STARD13: variants seen among roughly 807,000 people sequenced by gnomAD.
The protein encoded by STARD13 is StAR related lipid transfer domain containing 13.
A neutral mutation model predicts 106.4 loss-of-function variants in STARD13; 62 were observed. The ratio of observed to expected loss-of-function variants is 0.58; its 90% CI spans 0.48 to 0.72. The LOEUF (loss-of-function observed/expected upper bound fraction) is 0.72. Among genes scored for constraint, STARD13 ranks in the 30% least tolerant of loss-of-function variants. STARD13 has a pLI of 0.00. For missense variants in STARD13, 1,387 were observed against 1,424.0 expected (o/e 0.97, Z 0.42); for synonymous variants, 565 against 553.0 (o/e 1.02, Z -0.31).
chr13:33,141,766 T>C (rs560906763), intron 4 of STARD13, among the ~76,000 whole-genome samples: 1 of 152,324 alleles, frequency 6.6e-6, no homozygotes, highest in East Asian at 1.9e-4. Context: ...TCTGAACTTT[T>C]AATCTACTCA....
chr13:33,282,498 T>G (rs1304237622), intron 1 of STARD13, among the ~76,000 whole-genome samples: 2 of 152,188 alleles, frequency 1.3e-5, no homozygotes, highest in African/African-American at 4.8e-5. Flanking sequence ...ATTATCTCAC[T>G]ATAATGAGGT....
At chr13:33,553,493 T>C in the STARD13 span, among the ~76,000 whole-genome samples, 1 of 151,828 alleles carries the variant, frequency 6.6e-6, no homozygotes, top group Non-Finnish European at 1.5e-5. Flanking sequence ...TAATGGGAAA[T>C]ATACCAATAT....
the STARD13 span, among the ~76,000 whole-genome samples, chr13:33,488,747 A>T: frequency 7.9e-5 from 12 of 152,162 alleles, no homozygotes; most frequent in Non-Finnish European, 1.8e-4. Context: ...CTGGAATCCT[A>T]TCTATCTTTC....
the STARD13 span, among the ~76,000 whole-genome samples, chr13:33,385,218 A>AATATGAATATATATATAT: frequency 3.9e-4 from 13 of 33,582 alleles, no homozygotes; most frequent in Admixed American, 1.6e-3. Context: ...AAAGGTTCGG[A>AATATGAATATATATATAT]ATATATATAT....
At chr13:33,566,349 G>A in the STARD13 span, among the ~76,000 whole-genome samples, 1 of 147,952 alleles carries the variant, frequency 6.8e-6, no homozygotes, top group Admixed American at 7.0e-5. Flanking sequence ...TACTATCTGC[G>A]GTTTCAGGCA....
intron 3 of STARD13, among the ~76,000 whole-genome samples, chr13:33,161,212 A>G (rs909882341): frequency 2.0e-5 from 3 of 152,242 alleles, no homozygotes; most frequent in African/African-American, 7.2e-5. Flanking sequence ...TAGCAAAACT[A>G]TAGGTACAAA....
the STARD13 span, among the ~76,000 whole-genome samples, chr13:33,436,740 A>G: frequency 6.6e-6 from 1 of 152,180 alleles, no homozygotes; most frequent in Non-Finnish European, 1.5e-5. Flanking sequence ...CTTAATCTGT[A>G]GTGAAAGCAA....
At chr13:33,610,826 A>T in the STARD13 span, 1 of 152,400 alleles carries the variant, frequency 6.6e-6, no homozygotes, top group South Asian at 2.1e-4. Flanking sequence ...CTGCGCGGAG[A>T]ACCTCTGCCA....
At chr13:33,408,464 C>G in the STARD13 span, among the ~76,000 whole-genome samples, 6 of 152,040 alleles carry the variant, frequency 3.9e-5, no homozygotes, top group Admixed American at 3.3e-4. Context: ...AAGGATCATC[C>G]ACATTATAGC....
chr13:33,397,299 G>A, the STARD13 span, among the ~76,000 whole-genome samples: 3 of 152,116 alleles, frequency 2.0e-5, no homozygotes, highest in Non-Finnish European at 4.4e-5. Context: ...TCTCTCAGGA[G>A]CAAGGGGCAG....
the STARD13 span, among the ~76,000 whole-genome samples, chr13:33,558,162 T>C: frequency 5.8e-4 from 89 of 152,328 alleles, no homozygotes; most frequent in Non-Finnish European, 9.7e-4. Flanking sequence ...TTCCAAATTC[T>C]CCCAAGGTTT....
chr13:33,671,848 C>A, the STARD13 span, among the ~76,000 whole-genome samples: 7 of 152,210 alleles, frequency 4.6e-5, no homozygotes, highest in East Asian at 1.4e-3. Flanking sequence ...TATAGTTCAA[C>A]CACTCTATCA....
the STARD13 span, among the ~76,000 whole-genome samples, chr13:33,574,798 G>A: frequency 5.3e-5 from 8 of 151,824 alleles, no homozygotes; most frequent in Non-Finnish European, 1.2e-4. Context: ...TAGTTGAAAT[G>A]TGTTCCCCAA....
the STARD13 span, among the ~76,000 whole-genome samples, chr13:33,498,223 T>A: frequency 6.6e-6 from 1 of 152,184 alleles, no homozygotes; most frequent in African/African-American, 2.4e-5. Flanking sequence ...GCATGACAAC[T>A]GATAACCTTC....
chr13:33,468,176 T>C, the STARD13 span, among the ~76,000 whole-genome samples: 11 of 152,366 alleles, frequency 7.2e-5, no homozygotes, highest in African/African-American at 2.6e-4. Flanking sequence ...GGACATCTAA[T>C]TCAATATTCT....
At chr13:33,116,136 C>T (rs1875337902) in intron 8 of STARD13, among the ~76,000 whole-genome samples, 1 of 152,136 alleles carries the variant, frequency 6.6e-6, no homozygotes, top group Admixed American at 6.5e-5. Context: ...TTTATGGCCC[C>T]AGCGTCATTT....
At chr13:33,201,522 T>C (rs944665802) in intron 1 of STARD13, among the ~76,000 whole-genome samples, 7 of 152,236 alleles carry the variant, frequency 4.6e-5, no homozygotes, top group African/African-American at 1.2e-4. Context: ...GTTTTCTTCA[T>C]AGTATTTGAA....
the STARD13 span, among the ~76,000 whole-genome samples, chr13:33,455,641 A>T: frequency 6.6e-6 from 1 of 152,168 alleles, no homozygotes; most frequent in Non-Finnish European, 1.5e-5. Flanking sequence ...AGTTAAAAAA[A>T]AATAAAAAGC....
At chr13:33,145,881 T>C (rs1233929338) in intron 3 of STARD13, among the ~76,000 whole-genome samples, 1 of 152,078 alleles carries the variant, frequency 6.6e-6, no homozygotes, top group Non-Finnish European at 1.5e-5. Context: ...CTTTTTGAGG[T>C]CACAAAAATG....
Sources: allele counts gnomAD v4.1 joint callset (sites outside exome capture counted in the v4.1 genomes callset), GRCh38; gene constraint gnomAD v4.1.1; transcripts MANE v1.5; gene names NCBI Gene and HGNC (gene_info 2026-07-23, HGNC 2026-07-21).